The following HMCN2 variants were observed in gnomAD, a reference collection of about 807,000 sequenced individuals.
HMCN2 encodes hemicentin-2.
In HMCN2, 325 loss-of-function variants were observed where a neutral mutation model predicts 377.5. The observed-to-expected ratio is 0.86, with a 90% confidence interval of 0.79 to 0.94. The LOEUF is 0.94. Among genes scored for constraint, HMCN2 ranks in the 40% least tolerant of loss-of-function variants. HMCN2 has a pLI of 0.00. For synonymous variants in HMCN2, 2,007 were observed against 2,046.8 expected (o/e 0.98, Z 0.53); for missense variants, 4,543 against 4,725.3 (o/e 0.96, Z 1.13).
intron 40 of HMCN2, among the ~76,000 whole-genome samples, chr9:130,363,324 C>A (rs756247562): frequency 7.2e-5 from 11 of 152,178 alleles, no homozygotes; most frequent in Non-Finnish European, 1.3e-4. Flanking sequence ...GGGGTTCAAA[C>A]CCTGCCTCTG....
At chr9:130,368,884 T>A (rs1840851550) in intron 44 of HMCN2, among the ~76,000 whole-genome samples, 2 of 152,092 alleles carry the variant, frequency 1.3e-5, no homozygotes, top group African/African-American at 4.8e-5. Context: ...CAGGTCCCTC[T>A]CTCTGCACGT....
At position 130,354,803 on chromosome 9, in the gene HMCN2, GGTGAAGGCTGT is replaced by G; in HGVS notation, c.4907_4917del (p.Val1636GlyfsTer85). On this transcript the variant is annotated frameshift_variant, in exon 32 of 98. Transcript: ENST00000683500. LOFTEE classifies it high-confidence loss of function. ...AGGGCGCCGGTGGAAGACCATACGT[GGTGAAGGCTGT>G]GGCTGGGAGGCCTGTGGCGCTGGAG... 1 of 1,304,154 alleles carries G rather than the reference GGTGAAGGCTGT, an allele frequency of 7.7e-7. No homozygotes were observed. Among genetic ancestry groups the G allele is most frequent in the Non-Finnish European group, 1.0e-6 (1 of 988,872 alleles). The allele number at this position is 1,304,154 out of a possible 1,614,324, so 80.8% of individuals were successfully genotyped here.
chr9:130,366,084 C>T, intron 43 of HMCN2, 89 bp downstream of exon 43: 3 of 938,494 alleles, frequency 3.2e-6, no homozygotes, highest in Non-Finnish European at 3.8e-6. Context: ...CACCCCAGAG[C>T]CTAGCTGAGA....
At chr9:130,343,815 C>A (rs916581093) in intron 25 of HMCN2, among the ~76,000 whole-genome samples, 13 of 152,248 alleles carry the variant, frequency 8.5e-5, no homozygotes, top group African/African-American at 2.7e-4. Flanking sequence ...TGTTTCACAG[C>A]CCTGTGGCCT....
At chr9:130,411,161 C>A (rs1843386298) in intron 85 of HMCN2, among the ~76,000 whole-genome samples, 1 of 151,952 alleles carries the variant, frequency 6.6e-6, no homozygotes, top group African/African-American at 2.4e-5. Flanking sequence ...GCATGCCCAC[C>A]TCTGCTTACT....
rs1554938409 is a variant in HMCN2, at chr9:130,309,975, C to T, written c.2264C>T (p.Ala755Val). The part of the protein sequence containing the change: ...SSSGKLRIPA[A>V]QERDAGTYTC... ...TCTGGGAAGCTGCGGATCCCGGCGG[C>T]TCAGGAGAGGGATGCTGGCACCTAC... is the stretch of plus-strand genomic sequence containing the variant. Residue 755 changes from alanine (A) to valine (V), a missense_variant, in exon 15 of 98, where the codon GCT becomes GTT. By Grantham distance (64) the Ala-to-Val change is moderately conservative (BLOSUM62 0). Transcript: ENST00000683500. 1.9e-6 allele frequency: 1 copy of T among 532,330 alleles called. No homozygotes were observed. Among genetic ancestry groups the T allele is most frequent in the East Asian group, 5.5e-5 (1 of 18,240 alleles). 33.0% of individuals were successfully genotyped at this position (532,330 alleles called of 1,614,324 possible). A position where few individuals can be genotyped will look rare whatever the true frequency, so the allele number is the denominator to read the frequency against.
At chr9:130,411,592 C>G (rs1407948162) in intron 85 of HMCN2, among the ~76,000 whole-genome samples, 1 of 78,488 alleles carries the variant, frequency 1.3e-5, no homozygotes, top group Non-Finnish European at 2.4e-5. Flanking sequence ...AGGCAAGACT[C>G]AATCTCAAAA....
At chr9:130,430,777 G>T (rs1347344070) in intron 95 of HMCN2, 173 bp downstream of exon 95, 2 of 634,930 alleles carry the variant, frequency 3.1e-6, no homozygotes, top group East Asian at 5.5e-5. Flanking sequence ...CAGAGCCTTG[G>T]CTGTGCTATT....
chr9:130,307,691 A>C (rs1554937369), intron 14 of HMCN2, 125 bp downstream of exon 14: 1 of 418,848 alleles, frequency 2.4e-6, no homozygotes. Context: ...CGCCGCCCTG[A>C]CCCCCAGCCA....
Position 130,296,659 on chromosome 9 carries a change from C to A in HMCN2, c.892-15C>A, listed in dbSNP as rs1588193261. On this transcript the variant is annotated splice_polypyrimidine_tract_variant and intron_variant, in intron 6 of 97. Coordinates refer to ENST00000683500, the MANE Select transcript of HMCN2 (RefSeq NM_001291815.2). ...GTCCCATCCTCTGGTGATGTGAGAC[C>A]TGGGCCTGCGCTAGGTCTATAGCAG... 1 of 470,784 alleles carries A rather than the reference C, an allele frequency of 2.1e-6. No homozygotes were observed. Among genetic ancestry groups the A allele is most frequent in the Non-Finnish European group, 4.4e-6 (1 of 226,986 alleles). The allele number at this position is 470,784 out of a possible 1,614,324, so 29.2% of individuals were successfully genotyped here.
intron 4 of HMCN2, among the ~76,000 whole-genome samples, chr9:130,293,303 G>GTTTTTTTTA (rs1588186458): frequency 2.6e-5 from 2 of 77,280 alleles, no homozygotes; most frequent in Non-Finnish European, 4.3e-5. Context: ...TTTTTTTTGC[G>GTTTTTTTTA]GTTCTTGTTG....
At position 130,377,760 on chromosome 9, in the gene HMCN2, G is replaced by T; in HGVS notation, c.8173G>T (p.Ala2725Ser). ...GTACCTGTGTGTGGCCACCAATGTG[G>T]CTGGCGAGGACGACCAGGACTTCAA... ...GRYLCVATNV[A>S]GEDDQDFNVL... The change falls in exon 53 of 98, where the codon GCT (alanine) becomes TCT (serine). Residue 2725 changes from alanine (A) to serine (S), a missense_variant. Coordinates refer to ENST00000683500, the MANE Select transcript of HMCN2 (RefSeq NM_001291815.2). The T allele has an allele frequency of 1.0e-6, 1 of 985,946 alleles. No individual in the cohort carries two copies. Among genetic ancestry groups the T allele is most frequent in the Non-Finnish European group, 1.2e-6 (1 of 829,980 alleles). 61.1% of individuals were successfully genotyped at this position (985,946 alleles called of 1,614,324 possible).
At chr9:130,376,336 A>G (rs1015563472) in intron 51 of HMCN2, among the ~76,000 whole-genome samples, 180 bp from the exon 52 acceptor site, 3 of 152,142 alleles carry the variant, frequency 2.0e-5, no homozygotes, top group East Asian at 1.9e-4. Context: ...GCCCCATCCT[A>G]TAACTCTTGC....
At chr9:130,378,989 C>A (rs1352768508) in intron 53 of HMCN2, among the ~76,000 whole-genome samples, 2 of 152,144 alleles carry the variant, frequency 1.3e-5, no homozygotes. Flanking sequence ...AAAAATATTT[C>A]CATGTTACAG....
At chr9:130,307,734 C>G (rs566765054) in intron 14 of HMCN2, among the ~76,000 whole-genome samples, 168 bp downstream of exon 14, 1 of 152,058 alleles carries the variant, frequency 6.6e-6, no homozygotes, top group Non-Finnish European at 1.5e-5. Context: ...GCTCCCCCAC[C>G]CTCACCCCCA....
Position 130,399,493 on chromosome 9 carries a change from TCTGTCTGTCCACCCCAGG to T in HMCN2, c.11484-15_11486del, listed in dbSNP as rs1842763478. 5.5e-6 allele frequency: 7 copies of T among 1,266,244 alleles called. No homozygotes were observed. The highest frequency in any genetic ancestry group is 7.2e-6 in the Non-Finnish European group (7 of 972,544). The allele number at this position is 1,266,244 out of a possible 1,614,324, so 78.4% of individuals were successfully genotyped here. On this transcript the variant is annotated splice_acceptor_variant and splice_polypyrimidine_tract_variant and coding_sequence_variant and intron_variant, in exon 76 of 98. Transcript: ENST00000683500. LOFTEE classifies it high-confidence loss of function. Reference sequence around the variant, plus strand: ...TGTCAGCCCAGCAGCCACTTGGCCGTCTGTCTGTCCACCCCAGGCTCCTGCCCTCCAACGCCCTGCTCC... The same window carrying T: ...TGTCAGCCCAGCAGCCACTTGGCCGTCTCCTGCCCTCCAACGCCCTGCTCC...
At position 130,290,000 on chromosome 9, in the gene HMCN2, G is replaced by A. The variant is rs183836188; in HGVS notation, c.612+3690G>A. ...TCCTCGGGGATGATTTATCTGCTGCGAAGGGTCGAGCAGCAGCCATCTGGC... is the reference window on the plus strand; with the variant it reads ...TCCTCGGGGATGATTTATCTGCTGCAAAGGGTCGAGCAGCAGCCATCTGGC... On this transcript the variant is annotated intron_variant, in intron 4 of 97. Coordinates refer to ENST00000683500, the MANE Select transcript of HMCN2 (RefSeq NM_001291815.2). Among the ~76,000 whole-genome samples the A allele has an allele frequency of 3.6e-3, 551 of 152,300 alleles. 2 individuals are homozygous for A. Among genetic ancestry groups the A allele is most frequent in the African/African-American group, 0.012 (516 of 41,564 alleles).
chr9:130,285,718 C>T (rs1220547270), intron 3 of HMCN2, among the ~76,000 whole-genome samples: 3 of 152,186 alleles, frequency 2.0e-5, no homozygotes, highest in African/African-American at 7.2e-5. Flanking sequence ...TTGCTTCTGG[C>T]TTTTGCAGTG....
chr9:130,404,894 C>T lies in HMCN2; in HGVS notation c.12174C>T (p.Leu4058=), dbSNP rs968960759. 145 of 1,281,394 alleles carry T rather than the reference C, an allele frequency of 1.1e-4. No homozygotes were observed. Among genetic ancestry groups the T allele is most frequent in the Non-Finnish European group, 1.4e-4 (142 of 984,584 alleles). The allele number at this position is 1,281,394 out of a possible 1,614,324, so 79.4% of individuals were successfully genotyped here. A position where few individuals can be genotyped will look rare whatever the true frequency, so the allele number is the denominator to read the frequency against. ...VQVPPVIENG[L]PDLSTTEGSH... ...TCCCACCAGTGATCGAGAATGGCCT[C>T]CCAGACCTGTCCACCACCGAAGGCT... Residue 4058 remains leucine (L), a synonymous_variant, in exon 81 of 98, where the codon CTC becomes CTT. Transcript: ENST00000683500.
Sources: gnomAD v4.1 joint callset for allele counts (sites outside exome capture counted in the v4.1 genomes callset) on GRCh38, gnomAD v4.1.1 for gene constraint, MANE v1.5 for transcripts, NCBI Gene and HGNC (gene_info 2026-07-23, HGNC 2026-07-21) for gene names.